PDE1A: variants seen among roughly 807,000 people sequenced by gnomAD.
The protein encoded by PDE1A is dual specificity calcium/calmodulin-dependent 3',5'-cyclic nucleotide phosphodiesterase 1A.
PDE1A carries 35 observed loss-of-function variants against 61.7 expected under a neutral mutation model. That is an observed-to-expected ratio of 0.57 (90% CI 0.43 to 0.75). The LOEUF (loss-of-function observed/expected upper bound fraction) is 0.75, where lower values mean the gene tolerates loss of function less well. Among genes scored for constraint, PDE1A ranks in the 30% least tolerant of loss-of-function variants. The probability of loss-of-function intolerance (pLI) is 0.00; values close to 1 mark genes in which losing one functional copy is unlikely to be tolerated. For synonymous variants in PDE1A, 232 were observed against 213.2 expected (o/e 1.09, Z -0.77); for missense variants, 597 against 630.6 (o/e 0.95, Z 0.57).
At chr2:182,307,151 A>G (rs1695642874) in intron 1 of PDE1A, among the ~76,000 whole-genome samples, 1 of 152,156 alleles carries the variant, frequency 6.6e-6, no homozygotes, top group African/African-American at 2.4e-5. Context: ...CTGAATAGAT[A>G]TTTCTCAAAA....
chr2:182,171,211 G>T (rs1692181950), intron 13 of PDE1A, among the ~76,000 whole-genome samples: 1 of 151,994 alleles, frequency 6.6e-6, no homozygotes, highest in South Asian at 2.1e-4. Flanking sequence ...ACAAATGTAG[G>T]TCATAGGTAC....
the PDE1A span, among the ~76,000 whole-genome samples, chr2:182,553,318 C>A: frequency 2.0e-5 from 3 of 152,194 alleles, no homozygotes. Flanking sequence ...ACAACCTCTG[C>A]CTCCCAGGTT....
intron 2 of PDE1A, among the ~76,000 whole-genome samples, chr2:182,449,049 TACACACACAC>T (rs200893342): frequency 0.26 from 23,972 of 90,584 alleles, 2,230 homozygotes; most frequent in East Asian, 0.52. Context: ...ATCATACACA[TACACACACAC>T]ACACACACAC....
At chr2:182,146,191 C>A (rs1479356050), downstream of PDE1A, among the ~76,000 whole-genome samples, 1 of 152,138 alleles carries the variant, frequency 6.6e-6, no homozygotes, top group Non-Finnish European at 1.5e-5. Flanking sequence ...AACAGACTGG[C>A]TTATCAAAAA....
the PDE1A span, among the ~76,000 whole-genome samples, chr2:182,666,796 G>A: frequency 6.6e-6 from 1 of 152,084 alleles, no homozygotes; most frequent in African/African-American, 2.4e-5. Context: ...GCCACCATAA[G>A]CTCCCATTTG....
chr2:182,151,571 G>A (rs990730266), intron 13 of PDE1A, among the ~76,000 whole-genome samples: 3 of 152,156 alleles, frequency 2.0e-5, no homozygotes, highest in African/African-American at 4.8e-5. Context: ...CTACAATCAT[G>A]AGTAACCTAC....
At chr2:182,212,862 C>G (rs916216180) in intron 7 of PDE1A, among the ~76,000 whole-genome samples, 4 of 152,162 alleles carry the variant, frequency 2.6e-5, no homozygotes, top group East Asian at 1.9e-4. Context: ...CATTGCCCAG[C>G]CTTGATTAGG....
the PDE1A span, among the ~76,000 whole-genome samples, chr2:182,627,767 AC>A: frequency 2.0e-5 from 3 of 151,634 alleles, no homozygotes; most frequent in African/African-American, 7.3e-5. Context: ...AACTTGTGAG[AC>A]CCCATCTCTA....
At chr2:182,511,803 G>GTA (rs1187010252) in intron 2 of PDE1A, among the ~76,000 whole-genome samples, 11 of 152,098 alleles carry the variant, frequency 7.2e-5, no homozygotes, top group Non-Finnish European at 2.9e-5. Context: ...ACTGAACTGG[G>GTA]GTGCTTCCCA....
At position 182,286,177 on chromosome 2, in the gene PDE1A, C is replaced by A. The variant is rs193152064; in HGVS notation, c.54-21763G>T. Reference sequence around the variant, plus strand: ...AGAAAGCTGCTCTGGGAGGGCACTTCGAGAGCTCAAAATCAACAGGTGTCA... The same window carrying A: ...AGAAAGCTGCTCTGGGAGGGCACTTAGAGAGCTCAAAATCAACAGGTGTCA... On this transcript the variant is annotated intron_variant, in intron 1 of 13. Coordinates refer to ENST00000351439, the Ensembl canonical transcript of PDE1A. Among the ~76,000 whole-genome samples, 148 of 152,178 alleles carry A rather than the reference C, an allele frequency of 9.7e-4. 2 individuals are homozygous for A. Among genetic ancestry groups the A allele is most frequent in the Admixed American group, 9.6e-3 (147 of 15,276 alleles).
At chr2:182,244,382 G>A (rs1690796479) in intron 2 of PDE1A, among the ~76,000 whole-genome samples, 1 of 132,360 alleles carries the variant, frequency 7.6e-6, no homozygotes, top group Non-Finnish European at 1.6e-5. Flanking sequence ...AAACTTTAAA[G>A]TATTTTATTT....
chr2:182,463,941 C>A (rs1686479329), intron 2 of PDE1A, among the ~76,000 whole-genome samples: 1 of 152,134 alleles, frequency 6.6e-6, no homozygotes, highest in Non-Finnish European at 1.5e-5. Context: ...AAAGAAACTT[C>A]TGGCAAGGAT....
At chr2:182,624,594 C>T in the PDE1A span, among the ~76,000 whole-genome samples, 324 of 152,288 alleles carry the variant, frequency 2.1e-3, no homozygotes, top group Middle Eastern at 3.4e-3. Context: ...GAAATCTGTT[C>T]CTGGCAACCA....
the PDE1A span, among the ~76,000 whole-genome samples, chr2:182,534,163 G>A: frequency 6.6e-6 from 1 of 151,890 alleles, no homozygotes; most frequent in African/African-American, 2.4e-5. Context: ...ATTGTATTAT[G>A]CACAGTTTCC....
downstream of PDE1A, chr2:182,142,297 T>C (rs1482611191): frequency 1.3e-5 from 2 of 152,226 alleles, no homozygotes; most frequent in Non-Finnish European, 2.9e-5. Context: ...GAACTGTAGA[T>C]AGCATGTGAC....
At chr2:182,459,466 T>C (rs1686133959) in intron 2 of PDE1A, among the ~76,000 whole-genome samples, 1 of 152,182 alleles carries the variant, frequency 6.6e-6, no homozygotes, top group South Asian at 2.1e-4. Context: ...TGCCTTGAAT[T>C]CATTAACGCC....
chr2:182,274,628 T>C (rs557472601), intron 1 of PDE1A, among the ~76,000 whole-genome samples: 1 of 152,264 alleles, frequency 6.6e-6, no homozygotes, highest in Non-Finnish European at 1.5e-5. Flanking sequence ...ACTTTTATTG[T>C]GAAGGTTGTT....
chr2:182,249,475 C>T (rs1347637104), intron 2 of PDE1A, among the ~76,000 whole-genome samples: 1 of 152,148 alleles, frequency 6.6e-6, no homozygotes, highest in Non-Finnish European at 1.5e-5. Flanking sequence ...GAGCCCTTGT[C>T]AGGCCCCCTG....
At chr2:182,408,686 T>C (rs1702442963) in intron 1 of PDE1A, among the ~76,000 whole-genome samples, 1 of 143,570 alleles carries the variant, frequency 7.0e-6, no homozygotes, top group Non-Finnish European at 1.6e-5. Context: ...ACTGTTTAAA[T>C]AAATGATCTA....
Sources: gnomAD v4.1 joint callset for allele counts (sites outside exome capture counted in the v4.1 genomes callset) on GRCh38, gnomAD v4.1.1 for gene constraint, MANE v1.5 for transcripts, NCBI Gene and HGNC (gene_info 2026-07-23, HGNC 2026-07-21) for gene names.